WWOX: variants seen among roughly 807,000 people sequenced by gnomAD.
WWOX encodes the protein WW domain-containing oxidoreductase.
In WWOX, 69 loss-of-function variants were observed where a neutral mutation model predicts 46.2. That is an observed-to-expected ratio of 1.49 (90% CI 1.23 to 1.82). The LOEUF (loss-of-function observed/expected upper bound fraction) is 1.82, where lower values mean the gene tolerates loss of function less well. Ranked by LOEUF, WWOX falls within the 40% of genes most tolerant of loss-of-function variation. The pLI is 0.00. For synonymous variants in WWOX, 359 were observed against 202.6 expected (o/e 1.77, Z -6.56); for missense variants, 919 against 542.6 (o/e 1.69, Z -6.89).
intron 2 of WWOX, among the ~76,000 whole-genome samples, chr16:78,109,251 C>T (rs950163038): frequency 6.6e-6 from 1 of 151,952 alleles, no homozygotes; most frequent in African/African-American, 2.4e-5. Context: ...CTTTGGGAGG[C>T]AGAGGTGGGA....
intron 8 of WWOX, among the ~76,000 whole-genome samples, chr16:78,844,574 C>T (rs1415756641): frequency 6.6e-6 from 1 of 152,104 alleles, no homozygotes; most frequent in African/African-American, 2.4e-5. Flanking sequence ...GGGAAAATGG[C>T]AACAGCACAT....
chr16:78,312,236 C>G (rs958902705), intron 5 of WWOX, among the ~76,000 whole-genome samples: 1 of 150,766 alleles, frequency 6.6e-6, no homozygotes, highest in Admixed American at 6.8e-5. Flanking sequence ...GGCGTAGTCT[C>G]GATTTTATTT....
intron 8 of WWOX, among the ~76,000 whole-genome samples, chr16:78,987,075 A>T (rs1250336005): frequency 1.3e-5 from 2 of 152,208 alleles, no homozygotes; most frequent in East Asian, 1.9e-4. Flanking sequence ...ATGGTTATTT[A>T]AGTACAGCTT....
At chr16:78,744,437 T>TTTTTTTTTTTG in intron 8 of WWOX, among the ~76,000 whole-genome samples, 1 of 144,174 alleles carries the variant, frequency 6.9e-6, no homozygotes, top group African/African-American at 2.6e-5. Context: ...TTTTTTTTTT[T>TTTTTTTTTTTG]TTTTTTTTTT....
At chr16:78,922,030 C>G (rs1339786133) in intron 8 of WWOX, among the ~76,000 whole-genome samples, 1 of 152,198 alleles carries the variant, frequency 6.6e-6, no homozygotes, top group East Asian at 1.9e-4. Context: ...GGACAGAATA[C>G]TTTTCTACTA....
chr16:78,413,304 C>A (rs938371355), intron 6 of WWOX, among the ~76,000 whole-genome samples: 1 of 152,102 alleles, frequency 6.6e-6, no homozygotes, highest in African/African-American at 2.4e-5. Context: ...GACCACCAAA[C>A]AGGGTTTGTG....
At chr16:79,006,828 C>G (rs1349944326) in intron 8 of WWOX, among the ~76,000 whole-genome samples, 1 of 152,296 alleles carries the variant, frequency 6.6e-6, no homozygotes, top group East Asian at 1.9e-4. Flanking sequence ...GAGTCTTTCT[C>G]ATGCTGGCAT....
chr16:78,629,684 G>C (rs1030193675), intron 8 of WWOX, among the ~76,000 whole-genome samples: 1 of 152,192 alleles, frequency 6.6e-6, no homozygotes, highest in Admixed American at 6.5e-5. Flanking sequence ...TCTCTGGCTA[G>C]AGTAGTCTTC....
At chr16:78,591,584 C>T (rs547012804) in intron 8 of WWOX, among the ~76,000 whole-genome samples, 1 of 152,284 alleles carries the variant, frequency 6.6e-6, no homozygotes, top group East Asian at 1.9e-4. Flanking sequence ...ATTTAGGTTA[C>T]CATCATTTAT....
At chr16:78,358,866 CTTTTTT>C (rs57364873) in intron 5 of WWOX, among the ~76,000 whole-genome samples, 1 of 120,968 alleles carries the variant, frequency 8.3e-6, no homozygotes, top group Non-Finnish European at 1.7e-5. Flanking sequence ...ACACTGTGGT[CTTTTTT>C]TTTTTTTTTT....
intron 8 of WWOX, among the ~76,000 whole-genome samples, chr16:78,882,465 C>T (rs2044362787): frequency 6.8e-6 from 1 of 147,352 alleles, no homozygotes; most frequent in Admixed American, 7.0e-5. Context: ...TCTGTTAACA[C>T]ACCATACATC....
At chr16:78,155,781 C>T (rs772745158) in intron 4 of WWOX, among the ~76,000 whole-genome samples, 3 of 152,180 alleles carry the variant, frequency 2.0e-5, no homozygotes, top group Non-Finnish European at 4.4e-5. Flanking sequence ...ATAGGCTTAG[C>T]ACTACTACAT....
At chr16:78,918,648 G>A (rs1264094516) in intron 8 of WWOX, among the ~76,000 whole-genome samples, 1 of 152,142 alleles carries the variant, frequency 6.6e-6, no homozygotes, top group East Asian at 1.9e-4. Context: ...GATAATAACA[G>A]TTAATGTTGA....
chr16:78,632,536 C>G (rs1396440010), intron 8 of WWOX, among the ~76,000 whole-genome samples: 1 of 138,566 alleles, frequency 7.2e-6, no homozygotes, highest in African/African-American at 2.9e-5. Flanking sequence ...CAGACACTCT[C>G]TTCCCCCACT....
intron 5 of WWOX, among the ~76,000 whole-genome samples, chr16:78,178,558 A>C (rs766094643): frequency 1.3e-5 from 2 of 152,170 alleles, no homozygotes; most frequent in Non-Finnish European, 2.9e-5. Flanking sequence ...CGGAATTCGC[A>C]TAGTGACATT....
At chr16:78,349,807 C>A (rs1416235244) in intron 5 of WWOX, among the ~76,000 whole-genome samples, 1 of 120,868 alleles carries the variant, frequency 8.3e-6, no homozygotes, top group East Asian at 1.9e-4. Flanking sequence ...TTAGCAAGCC[C>A]AGTGATTGGA....
intron 6 of WWOX, among the ~76,000 whole-genome samples, chr16:78,405,128 T>A (rs2082496740): frequency 6.6e-6 from 1 of 152,134 alleles, no homozygotes; most frequent in African/African-American, 2.4e-5. Flanking sequence ...AGGCAAAAAT[T>A]TAAGGAAATG....
intron 8 of WWOX, among the ~76,000 whole-genome samples, chr16:78,765,091 G>C (rs960407814): frequency 5.9e-5 from 9 of 152,330 alleles, no homozygotes; most frequent in South Asian, 2.1e-4. Flanking sequence ...GCCTGGAGAG[G>C]ATGGGTGGCG....
chr16:78,262,154 G>C (rs1457174658), intron 5 of WWOX, among the ~76,000 whole-genome samples: 2 of 148,962 alleles, frequency 1.3e-5, no homozygotes, highest in Non-Finnish European at 3.0e-5. Context: ...CTCCTATCCA[G>C]GGTGAATTAC....
Sources: allele counts gnomAD v4.1 joint callset (sites outside exome capture counted in the v4.1 genomes callset), GRCh38; gene constraint gnomAD v4.1.1; transcripts MANE v1.5; gene names NCBI Gene and HGNC (gene_info 2026-07-23, HGNC 2026-07-21).